SEPTIN7: variants seen among roughly 807,000 people sequenced by gnomAD.
SEPTIN7 encodes septin-7.
SEPTIN7 carries 10 observed loss-of-function variants against 63.3 expected under a neutral mutation model. The ratio of observed to expected loss-of-function variants is 0.16; its 90% confidence interval spans 0.10 to 0.27. The LOEUF is 0.27. Ranked by LOEUF, SEPTIN7 falls within the 10% of genes least tolerant of loss-of-function variation. SEPTIN7 has a pLI of 1.00. For missense variants in SEPTIN7, 310 were observed against 521.0 expected (o/e 0.59, Z 3.94); for synonymous variants, 131 against 165.3 (o/e 0.79, Z 1.59).
intron 1 of SEPTIN7, among the ~76,000 whole-genome samples, chr7:35,812,321 C>G (rs1788779067): frequency 6.7e-6 from 1 of 149,718 alleles, no homozygotes; most frequent in East Asian, 2.0e-4. Flanking sequence ...CCCTTCCCCA[C>G]CCCCCCATTT....
chr7:35,803,188 CA>C, intron 1 of SEPTIN7: 2 of 925,506 alleles, frequency 2.2e-6, no homozygotes, highest in Non-Finnish European at 2.6e-6. Context: ...ATATTTGATG[CA>C]TACATAATAC....
chr7:35,861,310 T>C (rs1161930468), intron 3 of SEPTIN7, among the ~76,000 whole-genome samples: 1 of 152,190 alleles, frequency 6.6e-6, no homozygotes, highest in Non-Finnish European at 1.5e-5. Context: ...TTTCTGGAAA[T>C]TTTTGTTCCT....
chr7:35,834,233 C>A (rs1161880732), intron 3 of SEPTIN7, among the ~76,000 whole-genome samples: 1 of 151,900 alleles, frequency 6.6e-6, no homozygotes, highest in Non-Finnish European at 1.5e-5. Context: ...TACGGGAAAA[C>A]CTCCTAGGTC....
At chr7:35,872,004 G>T (rs552284134) in intron 4 of SEPTIN7, among the ~76,000 whole-genome samples, 13 of 152,172 alleles carry the variant, frequency 8.5e-5, no homozygotes, top group African/African-American at 2.9e-4. Context: ...AGTTAGTAAG[G>T]TTTCACCCTA....
At chr7:35,823,133 A>G (rs568082193) in intron 1 of SEPTIN7, among the ~76,000 whole-genome samples, 4 of 152,346 alleles carry the variant, frequency 2.6e-5, no homozygotes, top group East Asian at 1.9e-4. Context: ...CTGTGGGGCT[A>G]TCATCTGCAA....
chr7:35,807,514 G>A (rs1200528467), intron 1 of SEPTIN7, among the ~76,000 whole-genome samples: 2 of 151,990 alleles, frequency 1.3e-5, no homozygotes, highest in South Asian at 2.1e-4. Flanking sequence ...ACAGGCGCCC[G>A]CCACCGCGCC....
chr7:35,803,588 A>G (rs1164586706), intron 1 of SEPTIN7, among the ~76,000 whole-genome samples: 1 of 152,248 alleles, frequency 6.6e-6, no homozygotes, highest in Non-Finnish European at 1.5e-5. Flanking sequence ...GAGAATTCCT[A>G]CCTGACTAAA....
chr7:35,833,783 A>G (rs1487825526), intron 3 of SEPTIN7, among the ~76,000 whole-genome samples: 1 of 151,932 alleles, frequency 6.6e-6, no homozygotes, highest in Non-Finnish European at 1.5e-5. Context: ...CTATGTTTCA[A>G]CATCTAGTAT....
At chr7:35,822,406 ATC>A (rs1399560400) in intron 1 of SEPTIN7, among the ~76,000 whole-genome samples, 3 of 152,064 alleles carry the variant, frequency 2.0e-5, no homozygotes, top group Non-Finnish European at 4.4e-5. Context: ...ATGAGGTTCT[ATC>A]TAGAGGTGAT....
At chr7:35,880,050 T>A in intron 7 of SEPTIN7, 110 bp downstream of exon 7, 1 of 666,626 alleles carries the variant, frequency 1.5e-6, no homozygotes, top group Non-Finnish European at 2.7e-6. Context: ...CTTTACTATA[T>A]TGTCATTTAT....
In SEPTIN7 at chr7:35,902,894, G is replaced by C. The variant is rs550222315; in HGVS notation, c.1135-182G>C. On this transcript the variant is annotated intron_variant, in intron 12 of 13. Transcript: ENST00000350320. ...TATTGTCTTGGGTCACTGGCCTTTT[G>C]GGTGGCAGGTCCTAAAGGAGGAGGA... is the stretch of plus-strand genomic sequence containing the variant. 37 of 863,644 alleles carry C rather than the reference G, an allele frequency of 4.3e-5. No individual in the cohort carries two copies. The East Asian group carries it at 5.4e-4, about 13-fold the overall frequency. The allele number at this position is 863,644 out of a possible 1,614,324, so 53.5% of individuals were successfully genotyped here.
intron 3 of SEPTIN7, among the ~76,000 whole-genome samples, chr7:35,853,765 T>C (rs895880289): frequency 6.6e-6 from 1 of 152,188 alleles, no homozygotes; most frequent in Non-Finnish European, 1.5e-5. Context: ...ATATCCCATG[T>C]CAGATATGGT....
intron 11 of SEPTIN7, among the ~76,000 whole-genome samples, chr7:35,893,548 G>A (rs967866718): frequency 1.3e-5 from 2 of 152,104 alleles, no homozygotes; most frequent in African/African-American, 4.8e-5. Flanking sequence ...ACTATCTAAG[G>A]TTGTGTAAGT....
At chr7:35,853,747 C>G (rs1409719894) in intron 3 of SEPTIN7, among the ~76,000 whole-genome samples, 1 of 152,118 alleles carries the variant, frequency 6.6e-6, no homozygotes, top group African/African-American at 2.4e-5. Flanking sequence ...AATGAAGATA[C>G]TGGTAAAATA....
intron 3 of SEPTIN7, among the ~76,000 whole-genome samples, chr7:35,836,965 G>A (rs1784114322): frequency 6.6e-6 from 1 of 151,760 alleles, no homozygotes; most frequent in African/African-American, 2.4e-5. Flanking sequence ...CACAACATTG[G>A]GGATATACTA....
Position 35,847,625 on chromosome 7 carries a change from C to CT in SEPTIN7, c.169+14732dup, listed in dbSNP as rs552573557. Among the ~76,000 whole-genome samples the CT allele has an allele frequency of 6.6e-5, 10 of 152,194 alleles. No homozygotes were observed. The East Asian group carries it at 1.9e-3, about 29-fold the overall frequency. ...AATGTCAAAAGTCTTCTTTTTGAAA[C>CT]TTTTTTTGCCTAGCTTTTTATTAAG... On this transcript the variant is annotated intron_variant, in intron 3 of 13. Transcript: ENST00000350320.
chr7:35,826,724 T>C (rs1783534904), intron 1 of SEPTIN7, among the ~76,000 whole-genome samples: 1 of 152,140 alleles, frequency 6.6e-6, no homozygotes, highest in Non-Finnish European at 1.5e-5. Flanking sequence ...ATCAATTTTT[T>C]GTTACTAAAA....
chr7:35,819,115 T>G (rs1789258583), intron 1 of SEPTIN7, among the ~76,000 whole-genome samples: 1 of 152,136 alleles, frequency 6.6e-6, no homozygotes, highest in Non-Finnish European at 1.5e-5. Flanking sequence ...AGCACTGATT[T>G]AGCTGCATTC....
intron 4 of SEPTIN7, among the ~76,000 whole-genome samples, chr7:35,871,867 A>C (rs1443036933): frequency 7.9e-5 from 12 of 152,276 alleles, no homozygotes; most frequent in African/African-American, 2.9e-4. Flanking sequence ...CTGAAAACTG[A>C]TATTTTGCAT....
Sources: gnomAD v4.1 joint callset for allele counts (sites outside exome capture counted in the v4.1 genomes callset) on GRCh38, gnomAD v4.1.1 for gene constraint, MANE v1.5 for transcripts, NCBI Gene and HGNC (gene_info 2026-07-23, HGNC 2026-07-21) for gene names.